Variants in CSNK2B observed in about 807,000 individuals in gnomAD.
CSNK2B encodes casein kinase II subunit beta.
A neutral mutation model predicts 28.8 loss-of-function variants in CSNK2B; 2 were observed. The observed-to-expected ratio is 0.07, with a 90% CI of 0.03 to 0.22. The LOEUF (loss-of-function observed/expected upper bound fraction) is 0.22, where lower values mean the gene tolerates loss of function less well. Ranked by LOEUF, CSNK2B falls within the 10% of genes least tolerant of loss-of-function variation. The pLI is 1.00. For synonymous variants in CSNK2B, 89 were observed against 96.1 expected (o/e 0.93, Z 0.43); for missense variants, 107 against 277.9 (o/e 0.39, Z 4.37).
At position 31,668,662 on chromosome 6, in the gene CSNK2B, C is replaced by G. The variant is rs754265643; in HGVS notation, c.291+8C>G. ...CGTGGCATCGCCCAGATGGTGAGGC[C>G]TCTCTGCTCCTACCTGCCTCCTTCT... On this transcript the variant is annotated splice_region_variant and intron_variant, in intron 4 of 6. Transcript: ENST00000375882. 4 of 1,608,694 alleles carry G rather than the reference C, an allele frequency of 2.5e-6. No individual in the cohort carries two copies. Among genetic ancestry groups the G allele is most frequent in the East Asian group, 2.2e-5 (1 of 44,870 alleles).
intron 3 of CSNK2B, 43 bp from the exon 4 acceptor site, chr6:31,668,496 A>G: frequency 6.4e-7 from 1 of 1,574,246 alleles, no homozygotes; most frequent in Non-Finnish European, 8.7e-7. Context: ...CACCTAGGAA[A>G]GCTGAAAAAC....
rs1802082215 is a variant in CSNK2B at position 31,670,067 on chromosome 6, A to G, written c.*141A>G. On this transcript the variant is annotated 3_prime_UTR_variant, in exon 7 of 7. Coordinates refer to ENST00000375882, the MANE Select transcript of CSNK2B (RefSeq NM_001320.7). The stretch of plus-strand genomic sequence containing the variant: ...ATGAAATAAAGTAGAAGAAAAGGCC[A>G]TGAGCTAGTCTGCTGGTGCTTGCTG... 2.7e-6 allele frequency: 2 copies of G among 734,812 alleles called. No homozygotes were observed. Among genetic ancestry groups the G allele is most frequent in the South Asian group, 3.9e-5 (2 of 50,894 alleles). 45.5% of individuals were successfully genotyped at this position (734,812 alleles called of 1,614,324 possible).
At chr6:31,668,856 C>T (rs1481592262) in intron 4 of CSNK2B, 3 of 616,668 alleles carry the variant, frequency 4.9e-6, no homozygotes, top group Non-Finnish European at 8.6e-6. Context: ...GACCTTGAAT[C>T]AGAGAGTTGT....
Position 31,669,764 on chromosome 6 carries a change from G to T in CSNK2B, c.558-72G>T. ...CATAGAGGAGCTCAGGTGGGGAGGT[G>T]GGAATGCAGGTGACTGGCAGGGCCT... On this transcript the variant is annotated intron_variant, in intron 6 of 6. Coordinates refer to ENST00000375882, the MANE Select transcript of CSNK2B (RefSeq NM_001320.7). The surrounding 1 kb of genome is among the most constrained non-coding windows in gnomAD (Gnocchi z 4.8). 1 of 1,338,668 alleles carries T rather than the reference G, an allele frequency of 7.5e-7. No homozygotes were observed. The allele number at this position is 1,338,668 out of a possible 1,614,324, so 82.9% of individuals were successfully genotyped here. A position where few individuals can be genotyped will look rare whatever the true frequency, so the allele number is the denominator to read the frequency against.
intron 1 of CSNK2B, among the ~76,000 whole-genome samples, 172 bp from the exon 2 acceptor site, chr6:31,666,649 G>A (rs1229185708): frequency 6.6e-6 from 1 of 152,160 alleles, no homozygotes; most frequent in Non-Finnish European, 1.5e-5. Context: ...CAAAGAAAAG[G>A]GGCTGAGATG....
chr6:31,669,506 C>G lies in CSNK2B; in HGVS notation c.555C>G (p.Pro185=). 1 of 1,608,100 alleles carries G rather than the reference C, an allele frequency of 6.2e-7. No individual in the cohort carries two copies. Residue 185 remains proline, a splice_region_variant and synonymous_variant, in exon 6 of 7, where the codon CCC becomes CCG. Transcript: ENST00000375882. The surrounding 1 kb of genome is among the most constrained non-coding windows in gnomAD (Gnocchi z 4.8). ...RPKRPANQFV[P]RLYGFKIHPM... ...AGAGACCTGCCAACCAGTTTGTGCC[C>G]AGGTAGGGAGCAGGGAGAGTCATTA...
intron 4 of CSNK2B, 135 bp from the exon 5 acceptor site, chr6:31,668,962 C>T: frequency 1.5e-6 from 1 of 659,360 alleles, no homozygotes; most frequent in Non-Finnish European, 2.7e-6. Flanking sequence ...AGTTTGAGAG[C>T]CCATCTAGTC....
In CSNK2B at chr6:31,669,637, CTG is replaced by C; in HGVS notation, c.557+132_557+133del. ...ATCAGGGCATCTCCCTGCTGAGTGA[CTG>C]TGGGAAAGTTATTTGATTATCTGTG... is the stretch of plus-strand genomic sequence containing the variant. On this transcript the variant is annotated intron_variant, in intron 6 of 6. Transcript: ENST00000375882. The surrounding 1 kb of genome is among the most constrained non-coding windows in gnomAD (Gnocchi z 4.8). The C allele has an allele frequency of 8.7e-7, 1 of 1,145,094 alleles. No individual in the cohort carries two copies. Among genetic ancestry groups the C allele is most frequent in the South Asian group, 1.5e-5 (1 of 67,964 alleles). The allele number at this position is 1,145,094 out of a possible 1,614,324, so 70.9% of individuals were successfully genotyped here.
At chr6:31,668,166 A>G (rs115820082) in intron 3 of CSNK2B, 196 bp downstream of exon 3, 10,141 of 636,676 alleles carry the variant, frequency 0.016, 212 homozygotes, top group Admixed American at 0.037. Context: ...TGTTTTCTAA[A>G]TCCGCAATTC....
At chr6:31,668,438 A>G (rs1306988844) in intron 3 of CSNK2B, 101 bp from the exon 4 acceptor site, 2 of 986,392 alleles carry the variant, frequency 2.0e-6, no homozygotes, top group African/African-American at 1.6e-5. Context: ...GCCCAAAAGT[A>G]GGTGCTAGGC....
intron 4 of CSNK2B, 134 bp downstream of exon 4, chr6:31,668,788 G>C (rs1430063435): frequency 2.8e-5 from 22 of 787,864 alleles, no homozygotes; most frequent in Non-Finnish European, 4.2e-5. Context: ...ACTTGGGCCT[G>C]GGAATTGAAT....
chr6:31,667,954 C>A lies in CSNK2B; in HGVS notation c.159C>A (p.Ile53=). 1 of 1,605,862 alleles carries A rather than the reference C, an allele frequency of 6.2e-7. No individual in the cohort carries two copies. Among genetic ancestry groups the A allele is most frequent in the Non-Finnish European group, 8.5e-7 (1 of 1,176,990 alleles). The stretch of plus-strand genomic sequence containing the variant: ...ACTATCGACAAGCTCTAGACATGAT[C>A]TTGGACCTGGAGCCTGGTGAGGCAC... ...VPHYRQALDM[I]LDLEPDEELE... is the part of the protein sequence containing the mutation. The change falls in exon 3 of 7, where the codon ATC becomes ATA. Residue 53 remains isoleucine, a synonymous_variant. Transcript: ENST00000375882.
intron 4 of CSNK2B, 49 bp downstream of exon 4, chr6:31,668,703 C>A: frequency 1.3e-6 from 2 of 1,502,632 alleles, no homozygotes; most frequent in Non-Finnish European, 1.9e-6. Flanking sequence ...GTAAGAGACA[C>A]AGGTTCCTGC....
rs748980196 is a variant in CSNK2B at position 31,668,716 on chromosome 6, C to G, written c.291+62C>G. On this transcript the variant is annotated intron_variant, in intron 4 of 6. Coordinates refer to ENST00000375882, the MANE Select transcript of CSNK2B (RefSeq NM_001320.7). ...CAGTAAGAGACACAGGTTCCTGCAGCAAGAAGTCATGTTTAAGCCCTGTTT... is the reference window on the plus strand; with the variant it reads ...CAGTAAGAGACACAGGTTCCTGCAGGAAGAAGTCATGTTTAAGCCCTGTTT... 23 of 1,455,096 alleles carry G rather than the reference C, an allele frequency of 1.6e-5. No individual in the cohort carries two copies. In the East Asian group the frequency reaches 3.4e-4, roughly 21 times the overall value. The allele number at this position is 1,455,096 out of a possible 1,614,324, so 90.1% of individuals were successfully genotyped here.
chr6:31,666,483 T>G, intron 1 of CSNK2B: 1 of 378,444 alleles, frequency 2.6e-6, no homozygotes. Flanking sequence ...CAGAGACTTG[T>G]ATTGGTAGGG....
Position 31,669,719 on chromosome 6 carries a change from G to A in CSNK2B, c.558-117G>A. 9.4e-7 allele frequency: 1 copy of A among 1,063,812 alleles called. No homozygotes were observed. Among genetic ancestry groups the A allele is most frequent in the Non-Finnish European group, 1.4e-6 (1 of 735,746 alleles). 65.9% of individuals were successfully genotyped at this position (1,063,812 alleles called of 1,614,324 possible). ...GAGCTGAGAAGTTGGGAACCACGAG[G>A]CTTTAGCTCTGAGCAGGTCCATAGA... On this transcript the variant is annotated intron_variant, in intron 6 of 6. Coordinates refer to ENST00000375882, the MANE Select transcript of CSNK2B (RefSeq NM_001320.7). The surrounding 1 kb of genome is among the most constrained non-coding windows in gnomAD (Gnocchi z 4.8).
chr6:31,667,993 TTG>T, intron 3 of CSNK2B, 23 bp downstream of exon 3: 1 of 1,480,550 alleles, frequency 6.8e-7, no homozygotes, highest in Non-Finnish European at 9.4e-7. Context: ...CAGGGTTGTT[TTG>T]TGTGTGTGCG....
chr6:31,668,743 A>G (rs938773782), intron 4 of CSNK2B, 89 bp downstream of exon 4: 22 of 1,240,100 alleles, frequency 1.8e-5, no homozygotes, highest in Non-Finnish European at 2.5e-5. Context: ...GCCCTGTTTA[A>G]GGAAGCTAGC....
intron 2 of CSNK2B, 122 bp from the exon 3 acceptor site, chr6:31,667,746 A>G: frequency 2.0e-6 from 1 of 510,106 alleles, no homozygotes; most frequent in Non-Finnish European, 3.4e-6. Flanking sequence ...CTGAGTTGGG[A>G]GTGAGAAACA....
Sources: allele counts gnomAD v4.1 joint callset (sites outside exome capture counted in the v4.1 genomes callset), GRCh38; gene constraint gnomAD v4.1.1; non-coding constraint Gnocchi (gnomAD v3.1); transcripts MANE v1.5; gene names NCBI Gene and HGNC (gene_info 2026-07-23, HGNC 2026-07-21).